Variants in MTA3 observed in about 807,000 individuals in gnomAD.
MTA3 encodes metastasis-associated protein MTA3.
MTA3 carries 34 observed loss-of-function variants against 83.5 expected under a neutral mutation model. The observed-to-expected ratio is 0.41, with a 90% CI of 0.31 to 0.54. The LOEUF (loss-of-function observed/expected upper bound fraction) is 0.54, where lower values mean the gene tolerates loss of function less well. Ranked by LOEUF, MTA3 falls within the 20% of genes least tolerant of loss-of-function variation. The probability of loss-of-function intolerance (pLI) is 0.33; values close to 1 mark genes in which losing one functional copy is unlikely to be tolerated. For missense variants in MTA3, 761 were observed against 726.4 expected (o/e 1.05, Z -0.55); for synonymous variants, 303 against 252.7 (o/e 1.20, Z -1.89).
intron 14 of MTA3, among the ~76,000 whole-genome samples, chr2:42,718,063 A>G (rs191046697): frequency 6.7e-6 from 1 of 150,084 alleles, no homozygotes. Context: ...ATGGGGCTTT[A>G]AAGTGAGTGT....
At chr2:42,750,797 T>G (rs1669816306) in intron 16 of MTA3, among the ~76,000 whole-genome samples, 2 of 152,216 alleles carry the variant, frequency 1.3e-5, no homozygotes, top group South Asian at 4.1e-4. Flanking sequence ...GGTTTTGTCC[T>G]CGTCAGAGAA....
At chr2:42,640,056 T>A in intron 4 of MTA3, 117 bp from the exon 5 acceptor site, 1 of 690,866 alleles carries the variant, frequency 1.4e-6, no homozygotes, top group South Asian at 2.0e-5. Context: ...AAAATATATA[T>A]TCCTAACTGC....
At chr2:42,548,833 T>TATTATATATATATA (rs1676898659) in intron 2 of MTA3, among the ~76,000 whole-genome samples, 1 of 11,510 alleles carries the variant, frequency 8.7e-5, no homozygotes, top group Non-Finnish European at 1.8e-4. Context: ...ATATATAATA[T>TATTATATATATATA]ATATATATAT....
intron 2 of MTA3, among the ~76,000 whole-genome samples, chr2:42,573,702 G>C (rs1265371530): frequency 1.3e-5 from 2 of 151,470 alleles, no homozygotes; most frequent in Admixed American, 6.6e-5. Flanking sequence ...GTAGAGACAG[G>C]GTTTCACCAT....
chr2:42,657,551 G>A (rs1299171698), intron 7 of MTA3, among the ~76,000 whole-genome samples: 1 of 152,166 alleles, frequency 6.6e-6, no homozygotes, highest in African/African-American at 2.4e-5. Context: ...GCCAAGGGCT[G>A]TATGTTTCCC....
chr2:42,675,800 T>C (rs1343412799), intron 8 of MTA3, among the ~76,000 whole-genome samples: 1 of 152,248 alleles, frequency 6.6e-6, no homozygotes, highest in Non-Finnish European at 1.5e-5. Flanking sequence ...ATTTTGTCTC[T>C]TCTGTTATAG....
chr2:42,577,105 A>AAAAAAAAAAATATATATATATAT (rs1211189566), intron 2 of MTA3, among the ~76,000 whole-genome samples: 1 of 86,952 alleles, frequency 1.2e-5, no homozygotes, highest in African/African-American at 5.5e-5. Flanking sequence ...AAAAAAAAAA[A>AAAAAAAAAAATATATATATATAT]ATATATATAT....
At chr2:42,666,469 G>T (rs1690245068) in intron 8 of MTA3, among the ~76,000 whole-genome samples, 1 of 152,008 alleles carries the variant, frequency 6.6e-6, no homozygotes. Flanking sequence ...CCGTCCTCTG[G>T]ACTCCAGCCA....
At chr2:42,728,808 G>C (rs1281644771) in intron 16 of MTA3, among the ~76,000 whole-genome samples, 1 of 152,048 alleles carries the variant, frequency 6.6e-6, no homozygotes, top group Non-Finnish European at 1.5e-5. Context: ...CAGATTATTA[G>C]ATTGTTTTCC....
At position 42,755,236 on chromosome 2, in the gene MTA3, A is replaced by T. The variant is rs766174915; in HGVS notation, c.*1837A>T. The T allele has an allele frequency of 2.0e-6, 2 of 985,370 alleles. No homozygotes were observed. The highest frequency in any genetic ancestry group is 3.5e-5 in the African/African-American group (2 of 57,240). The allele number at this position is 985,370 out of a possible 1,614,324, so 61.0% of individuals were successfully genotyped here. On this transcript the variant is annotated 3_prime_UTR_variant, in exon 17 of 17. Coordinates refer to ENST00000405094, the MANE Select transcript of MTA3 (RefSeq NM_001330442.2). ...GTCGTACTTGGACCCAGAAGGGGAAATGATTCCCTCACCCTTTCACTTTCT... is the reference window on the plus strand; with the variant it reads ...GTCGTACTTGGACCCAGAAGGGGAATTGATTCCCTCACCCTTTCACTTTCT...
At chr2:42,678,895 G>C (rs528379706) in intron 8 of MTA3, among the ~76,000 whole-genome samples, 3 of 152,172 alleles carry the variant, frequency 2.0e-5, no homozygotes, top group Non-Finnish European at 4.4e-5. Context: ...CTACCAGATA[G>C]TGAGGGATCA....
intron 12 of MTA3, among the ~76,000 whole-genome samples, chr2:42,706,109 C>T (rs1573697309): frequency 6.6e-6 from 1 of 152,050 alleles, no homozygotes; most frequent in East Asian, 1.9e-4. Context: ...GGGAACATCA[C>T]ATCTGGGGAC....
chr2:42,755,154 T>G lies in MTA3; in HGVS notation c.*1755T>G. The G allele has an allele frequency of 1.0e-6, 1 of 985,392 alleles. No homozygotes were observed. Among genetic ancestry groups the G allele is most frequent in the Non-Finnish European group, 1.2e-6 (1 of 829,954 alleles). 61.0% of individuals were successfully genotyped at this position (985,392 alleles called of 1,614,324 possible). A position where few individuals can be genotyped will look rare whatever the true frequency, so the allele number is the denominator to read the frequency against. On this transcript the variant is annotated 3_prime_UTR_variant, in exon 17 of 17. Transcript: ENST00000405094. ...GGTGCCGCATCACGTGGATGTTTCT[T>G]CCCTAAAGAAAAAGACACAGGAAAG...
chr2:42,683,800 G>C (rs11679377), intron 9 of MTA3, among the ~76,000 whole-genome samples: 114,428 of 152,086 alleles, frequency 0.75, 43,451 homozygotes, highest in South Asian at 0.88. Context: ...AATGGGGAGT[G>C]GCTGTAAATA....
At chr2:42,552,684 G>C (rs1434409753) in intron 2 of MTA3, among the ~76,000 whole-genome samples, 1 of 151,982 alleles carries the variant, frequency 6.6e-6, no homozygotes, top group Non-Finnish European at 1.5e-5. Context: ...AGGCGTGGTG[G>C]CTCATGCCTG....
chr2:42,629,332 G>A (rs1686446023), intron 4 of MTA3, among the ~76,000 whole-genome samples: 1 of 152,160 alleles, frequency 6.6e-6, no homozygotes, highest in Non-Finnish European at 1.5e-5. Flanking sequence ...ACCTGCCTCG[G>A]CCTCCCAAAG....
chr2:42,662,981 G>A (rs1402205035), intron 8 of MTA3, among the ~76,000 whole-genome samples: 8 of 68,820 alleles, frequency 1.2e-4, no homozygotes, highest in African/African-American at 3.8e-4. Context: ...TGCCCACTTC[G>A]GCCTCCCAGA....
chr2:42,695,550 G>T (rs1380179500), intron 9 of MTA3, among the ~76,000 whole-genome samples: 2 of 138,194 alleles, frequency 1.4e-5, no homozygotes, highest in Admixed American at 8.2e-5. Context: ...CAGAAGAATT[G>T]CCTGAACCCA....
chr2:42,685,866 A>G (rs1260552678), intron 9 of MTA3, among the ~76,000 whole-genome samples: 2 of 152,228 alleles, frequency 1.3e-5, no homozygotes, highest in Non-Finnish European at 2.9e-5. Flanking sequence ...CCATACTTAT[A>G]AAAGTAATGT....
Sources: allele counts gnomAD v4.1 joint callset (sites outside exome capture counted in the v4.1 genomes callset), GRCh38; gene constraint gnomAD v4.1.1; transcripts MANE v1.5; gene names NCBI Gene and HGNC (gene_info 2026-07-23, HGNC 2026-07-21).